Variants in FBP2 observed in about 807,000 individuals in gnomAD.
The protein encoded by FBP2 is fructose-bisphosphatase 2.
Under a neutral mutation model 31.6 loss-of-function variants are expected in FBP2, and 27 were observed. That is an observed-to-expected ratio of 0.85 (90% CI 0.63 to 1.18). The LOEUF is 1.18. Ranked by LOEUF, FBP2 falls within the 50% of genes most tolerant of loss-of-function variation. The pLI is 0.00. For synonymous variants in FBP2, 168 were observed against 179.8 expected (o/e 0.93, Z 0.53); for missense variants, 421 against 436.1 (o/e 0.97, Z 0.31).
Position 94,558,807 on chromosome 9 carries a change from TTGC to T in FBP2, c.*128_*130del. On this transcript the variant is annotated 3_prime_UTR_variant, in exon 7 of 7. Transcript: ENST00000375337. Reference sequence around the variant, plus strand: ...CAAACCTGTCGTAAGCAGTTTGTTGTTGCTCTTCTGTATGTGATTAAGTGGATT... The same window carrying T: ...CAAACCTGTCGTAAGCAGTTTGTTGTTCTTCTGTATGTGATTAAGTGGATT... 1.2e-6 allele frequency: 1 copy of T among 821,850 alleles called. No homozygotes were observed. Among genetic ancestry groups the T allele is most frequent in the South Asian group, 1.6e-5 (1 of 64,348 alleles). 50.9% of individuals were successfully genotyped at this position (821,850 alleles called of 1,614,324 possible).
chr9:94,562,657 CTACT>C (rs1827126120), intron 6 of FBP2, among the ~76,000 whole-genome samples: 1 of 152,140 alleles, frequency 6.6e-6, no homozygotes, highest in Admixed American at 6.5e-5. Flanking sequence ...TTTGATTTGA[CTACT>C]TACCTACGAT....
rs776425803 is a variant in FBP2, at chr9:94,587,302, C to T, written c.333+5G>A. 4 of 1,607,566 alleles carry T rather than the reference C, an allele frequency of 2.5e-6. No individual in the cohort carries two copies. The highest frequency in any genetic ancestry group is 2.7e-5 in the African/African-American group (2 of 74,456). On this transcript the variant is annotated splice_donor_5th_base_variant and intron_variant, in intron 2 of 6. Coordinates refer to ENST00000375337, the MANE Select transcript of FBP2 (RefSeq NM_003837.4). The stretch of plus-strand genomic sequence containing the variant: ...GCGAGCGGGCACCGCAGCCCCATGA[C>T]GCACCCGCTTCTCCTTGGCGGTGAT...
At chr9:94,574,743 G>T (rs1030464122) in intron 3 of FBP2, among the ~76,000 whole-genome samples, 4 of 151,758 alleles carry the variant, frequency 2.6e-5, no homozygotes, top group Admixed American at 6.6e-5. Context: ...TTTCTTTCTG[G>T]TTTTATTCCC....
At chr9:94,560,340 A>G (rs1827078149) in intron 6 of FBP2, among the ~76,000 whole-genome samples, 1 of 152,212 alleles carries the variant, frequency 6.6e-6, no homozygotes. Context: ...TACGCAGTGA[A>G]TTGAAATGAA....
In FBP2 at chr9:94,558,874, G is replaced by A. The variant is rs769161217; in HGVS notation, c.*64C>T. ...CTCATAGCTACCATCTCTGTTTATC[G>A]TTCATTTAGGGTCCTTAGACAAGGT... On this transcript the variant is annotated 3_prime_UTR_variant, in exon 7 of 7. Coordinates refer to ENST00000375337, the MANE Select transcript of FBP2 (RefSeq NM_003837.4). 54 of 1,460,046 alleles carry A rather than the reference G, an allele frequency of 3.7e-5. No homozygotes were observed. The highest frequency in any genetic ancestry group is 9.1e-5 in the East Asian group (4 of 43,986). The allele number at this position is 1,460,046 out of a possible 1,614,324, so 90.4% of individuals were successfully genotyped here. A position where few individuals can be genotyped will look rare whatever the true frequency, so the allele number is the denominator to read the frequency against.
In FBP2 at chr9:94,584,604, G is replaced by A. The variant is rs1054579577; in HGVS notation, c.399C>T (p.Ile133=). ...TTCTATAGATGGCAAAGATGGTTCC[G>A]ATGGAGGCCAGGCAGTCAATATTGG... ...GSSNIDCLAS[I]GTIFAIYRKT... The change falls in exon 3 of 7, where the codon ATC becomes ATT. Residue 133 remains isoleucine (I), a synonymous_variant. Coordinates refer to ENST00000375337, the MANE Select transcript of FBP2 (RefSeq NM_003837.4). 20 of 1,613,038 alleles carry A rather than the reference G, an allele frequency of 1.2e-5. No homozygotes were observed. Among genetic ancestry groups the A allele is most frequent in the East Asian group, 6.7e-5 (3 of 44,884 alleles).
intron 5 of FBP2, among the ~76,000 whole-genome samples, chr9:94,565,285 G>A (rs749190138): frequency 4.7e-5 from 7 of 149,462 alleles, no homozygotes; most frequent in Non-Finnish European, 1.0e-4. Flanking sequence ...TGAGGCAGGA[G>A]AATCGCTTGA....
rs1827051848 is a variant in FBP2, at chr9:94,559,009, G to A, written c.949C>T (p.Leu317Phe). 2 of 1,614,036 alleles carry A rather than the reference G, an allele frequency of 1.2e-6. No individual in the cohort carries two copies. Among genetic ancestry groups the A allele is most frequent in the South Asian group, 1.1e-5 (1 of 91,084 alleles). ...KPEAIHQRVP[L>F]ILGSPEDVQE... The stretch of plus-strand genomic sequence containing the variant: ...ACATCCTCTGGTGACCCCAGAATGA[G>A]GGGGACTCGCTGGTGAATTGCCTCG... Residue 317 changes from leucine (L) to phenylalanine (F), a missense_variant, in exon 7 of 7, where the codon CTC becomes TTC. Coordinates refer to ENST00000375337, the MANE Select transcript of FBP2 (RefSeq NM_003837.4).
At chr9:94,585,448 CAG>C (rs1827416523) in intron 2 of FBP2, among the ~76,000 whole-genome samples, 1 of 151,368 alleles carries the variant, frequency 6.6e-6, no homozygotes, top group African/African-American at 2.4e-5. Flanking sequence ...GGAGAACAGA[CAG>C]AGAGCACACA....
intron 1 of FBP2, among the ~76,000 whole-genome samples, chr9:94,593,210 G>A (rs562319382): frequency 9.2e-5 from 14 of 152,174 alleles, no homozygotes; most frequent in African/African-American, 2.6e-4. Context: ...GATATTTCAC[G>A]TCACCCCTCT....
intron 1 of FBP2, among the ~76,000 whole-genome samples, chr9:94,590,304 T>G (rs1293522579): frequency 6.6e-6 from 1 of 152,056 alleles, no homozygotes; most frequent in Non-Finnish European, 1.5e-5. Context: ...AAGGAGAGGC[T>G]CCAGGCGGGC....
chr9:94,579,636 T>G (rs188006920), intron 3 of FBP2, among the ~76,000 whole-genome samples: 6 of 152,292 alleles, frequency 3.9e-5, no homozygotes, highest in Admixed American at 3.9e-4. Flanking sequence ...CAAGGTTGTC[T>G]GTCTTAAGGT....
chr9:94,563,374 A>C lies in FBP2; in HGVS notation c.793T>G (p.Tyr265Asp). ...TTAGGGCTCTTCTGGTTGGCTGGGTACAGGAAGATTCCTCCATAGACCAGG... is the reference window on the plus strand; with the variant it reads ...TTAGGGCTCTTCTGGTTGGCTGGGTCCAGGAAGATTCCTCCATAGACCAGG... ...RTLVYGGIFL[Y>D]PANQKSPKGK... Residue 265 changes from tyrosine to aspartate, a missense_variant, in exon 6 of 7, where the codon TAC becomes GAC. Transcript: ENST00000375337. The C allele has an allele frequency of 6.2e-7, 1 of 1,614,146 alleles. No homozygotes were observed. The highest frequency in any genetic ancestry group is 8.5e-7 in the Non-Finnish European group (1 of 1,179,992).
In FBP2 at chr9:94,563,477, C is replaced by A. The variant is rs770749332; in HGVS notation, c.706-16G>T. ...CACTGCCATCCTAGAAGACAGAAAG[C>A]GAAGAGACAAGATCCAGTGGCTTTC... On this transcript the variant is annotated splice_polypyrimidine_tract_variant and intron_variant, in intron 5 of 6. Coordinates refer to ENST00000375337, the MANE Select transcript of FBP2 (RefSeq NM_003837.4). 4 of 1,610,732 alleles carry A rather than the reference C, an allele frequency of 2.5e-6. No individual in the cohort carries two copies. Among genetic ancestry groups the A allele is most frequent in the Admixed American group, 1.7e-5 (1 of 59,728 alleles).
At chr9:94,562,294 A>G (rs1827120209) in intron 6 of FBP2, among the ~76,000 whole-genome samples, 1 of 137,220 alleles carries the variant, frequency 7.3e-6, no homozygotes, top group Non-Finnish European at 1.5e-5. Flanking sequence ...TGGGCGACAG[A>G]GCAAGACTCC....
intron 1 of FBP2, among the ~76,000 whole-genome samples, chr9:94,590,660 G>C (rs1827486439): frequency 1.3e-5 from 2 of 152,214 alleles, no homozygotes; most frequent in South Asian, 4.1e-4. Context: ...AAAGCAGCGT[G>C]GACCCAAAGA....
At chr9:94,562,562 G>A (rs888804822) in intron 6 of FBP2, among the ~76,000 whole-genome samples, 3 of 152,086 alleles carry the variant, frequency 2.0e-5, no homozygotes, top group Admixed American at 6.6e-5. Context: ...CTTAGCATTC[G>A]AATAATTCAA....
intron 6 of FBP2, 116 bp downstream of exon 6, chr9:94,563,226 C>G (rs186988172): frequency 4.2e-4 from 500 of 1,189,798 alleles, no homozygotes; most frequent in Non-Finnish European, 5.5e-4. Context: ...CCTCCCCTGC[C>G]CATCCCCACA....
intron 3 of FBP2, among the ~76,000 whole-genome samples, chr9:94,573,662 C>T (rs1443899156): frequency 6.6e-6 from 1 of 152,216 alleles, no homozygotes; most frequent in Admixed American, 6.5e-5. Flanking sequence ...AGTCTTCCAT[C>T]ACCAGAATAA....
Sources: gnomAD v4.1 joint callset for allele counts (sites outside exome capture counted in the v4.1 genomes callset) on GRCh38, gnomAD v4.1.1 for gene constraint, MANE v1.5 for transcripts, NCBI Gene and HGNC (gene_info 2026-07-23, HGNC 2026-07-21) for gene names.